The following KCNIP1 variants were observed in gnomAD, a reference collection of about 807,000 sequenced individuals.
The protein encoded by KCNIP1 is potassium voltage-gated channel interacting protein 1.
Under a neutral mutation model 33.0 loss-of-function variants are expected in KCNIP1, and 18 were observed. That is an observed-to-expected ratio of 0.55 (90% CI 0.38 to 0.81). The LOEUF is 0.81. Ranked by LOEUF, KCNIP1 falls within the 30% of genes least tolerant of loss-of-function variation. KCNIP1 has a pLI of 0.00. For missense variants in KCNIP1, 238 were observed against 271.6 expected (o/e 0.88, Z 0.87); for synonymous variants, 93 against 98.3 (o/e 0.95, Z 0.32).
intron 1 of KCNIP1, among the ~76,000 whole-genome samples, chr5:170,542,317 T>A (rs1356450434): frequency 6.6e-6 from 1 of 152,188 alleles, no homozygotes; most frequent in African/African-American, 2.4e-5. Context: ...GATTGAGTCA[T>A]AAACTCCCCA....
intron 1 of KCNIP1, chr5:170,383,578 T>A: frequency 7.6e-7 from 1 of 1,307,722 alleles, no homozygotes; most frequent in East Asian, 2.4e-5. Flanking sequence ...CCTGGTCAAG[T>A]GGGTTGATCT....
At chr5:170,470,224 A>C (rs938493998) in intron 1 of KCNIP1, among the ~76,000 whole-genome samples, 4 of 151,942 alleles carry the variant, frequency 2.6e-5, no homozygotes, top group African/African-American at 9.7e-5. Context: ...GCTCTTCTTC[A>C]CATCTCAGCT....
chr5:170,460,486 C>T (rs1053012675), intron 1 of KCNIP1, among the ~76,000 whole-genome samples: 6 of 152,112 alleles, frequency 3.9e-5, no homozygotes, highest in African/African-American at 9.7e-5. Flanking sequence ...AAAAGATAAT[C>T]CACCATGATC....
chr5:170,578,481 T>C (rs1757679197), intron 1 of KCNIP1, among the ~76,000 whole-genome samples: 1 of 152,124 alleles, frequency 6.6e-6, no homozygotes, highest in Non-Finnish European at 1.5e-5. Flanking sequence ...GTTTCTTCAC[T>C]GCCATCAGAA....
chr5:170,662,044 C>G (rs75125402), intron 1 of KCNIP1, among the ~76,000 whole-genome samples: 2,992 of 152,288 alleles, frequency 0.02, 101 homozygotes, highest in African/African-American at 0.069. Flanking sequence ...GACACCAATC[C>G]ACTACCAAAT....
chr5:170,675,784 C>A (rs1476073466), intron 1 of KCNIP1, among the ~76,000 whole-genome samples: 2 of 152,140 alleles, frequency 1.3e-5, no homozygotes, highest in African/African-American at 4.8e-5. Flanking sequence ...ATTTTCTTAT[C>A]TATAAAACAG....
At chr5:170,605,607 G>A (rs1403583448) in intron 1 of KCNIP1, among the ~76,000 whole-genome samples, 1 of 151,950 alleles carries the variant, frequency 6.6e-6, no homozygotes, top group Non-Finnish European at 1.5e-5. Context: ...CCAACTCCTG[G>A]CAACCACCAA....
intron 1 of KCNIP1, among the ~76,000 whole-genome samples, chr5:170,683,289 C>G (rs1444252839): frequency 3.9e-5 from 6 of 152,086 alleles, no homozygotes; most frequent in Admixed American, 2.0e-4. Context: ...TTAAATAATG[C>G]TGAAGTTAAA....
At chr5:170,451,554 C>T (rs896319683) in intron 1 of KCNIP1, among the ~76,000 whole-genome samples, 4 of 147,048 alleles carry the variant, frequency 2.7e-5, no homozygotes, top group Non-Finnish European at 4.5e-5. Flanking sequence ...ATTGACACCA[C>T]CCATTTCCCA....
At chr5:170,494,647 A>G (rs1757275032) in intron 1 of KCNIP1, among the ~76,000 whole-genome samples, 1 of 152,174 alleles carries the variant, frequency 6.6e-6, no homozygotes, top group Non-Finnish European at 1.5e-5. Flanking sequence ...CTCTAAACCA[A>G]GACCAAAGCT....
intron 1 of KCNIP1, among the ~76,000 whole-genome samples, chr5:170,563,968 A>G (rs879286087): frequency 4.6e-5 from 7 of 152,136 alleles, no homozygotes; most frequent in Admixed American, 2.0e-4. Context: ...GGGCATATTC[A>G]GGAAGATTCC....
intron 1 of KCNIP1, among the ~76,000 whole-genome samples, chr5:170,401,440 G>A (rs1754900188): frequency 6.6e-6 from 1 of 152,174 alleles, no homozygotes; most frequent in East Asian, 1.9e-4. Context: ...GGAGGGAAGT[G>A]AAGGAGCATA....
chr5:170,639,814 C>T (rs1043584469), intron 1 of KCNIP1, among the ~76,000 whole-genome samples: 1 of 152,202 alleles, frequency 6.6e-6, no homozygotes, highest in Admixed American at 6.5e-5. Flanking sequence ...CAGTTGGATG[C>T]GGTTCAGCTG....
At chr5:170,465,205 T>G (rs1756583535) in intron 1 of KCNIP1, among the ~76,000 whole-genome samples, 1 of 152,164 alleles carries the variant, frequency 6.6e-6, no homozygotes, top group South Asian at 2.1e-4. Flanking sequence ...GATGATAAAA[T>G]TTTTCTGTAC....
chr5:170,463,752 T>A (rs1486410368), intron 1 of KCNIP1, among the ~76,000 whole-genome samples: 3 of 152,048 alleles, frequency 2.0e-5, no homozygotes, highest in Non-Finnish European at 4.4e-5. Context: ...TCCTCTAAGA[T>A]CAGGAAAAAT....
At chr5:170,530,601 C>A (rs921685795) in intron 1 of KCNIP1, among the ~76,000 whole-genome samples, 1 of 152,244 alleles carries the variant, frequency 6.6e-6, no homozygotes, top group African/African-American at 2.4e-5. Flanking sequence ...TATGGCTTCC[C>A]AAGATCTACT....
chr5:170,661,107 T>A (rs893114476), intron 1 of KCNIP1, among the ~76,000 whole-genome samples: 2 of 152,164 alleles, frequency 1.3e-5, no homozygotes, highest in African/African-American at 4.8e-5. Context: ...GGACCTGATA[T>A]GTTTGATCAC....
intron 1 of KCNIP1, among the ~76,000 whole-genome samples, chr5:170,571,157 G>A (rs763349638): frequency 6.6e-6 from 1 of 152,140 alleles, no homozygotes; most frequent in Admixed American, 6.5e-5. Context: ...CCATCTGCCC[G>A]GTCCTCACTC....
At chr5:170,663,394 G>A (rs1345022644) in intron 1 of KCNIP1, among the ~76,000 whole-genome samples, 2 of 152,134 alleles carry the variant, frequency 1.3e-5, no homozygotes, top group Admixed American at 6.5e-5. Context: ...TAAGAGAAAG[G>A]AGGGTGCCTG....
Sources: allele counts gnomAD v4.1 joint callset (sites outside exome capture counted in the v4.1 genomes callset), GRCh38; gene constraint gnomAD v4.1.1; transcripts MANE v1.5; gene names NCBI Gene and HGNC (gene_info 2026-07-23, HGNC 2026-07-21).